PTPRT: variants seen among roughly 807,000 people sequenced by gnomAD.
The protein encoded by PTPRT is receptor-type tyrosine-protein phosphatase T.
PTPRT carries 56 observed loss-of-function variants against 176.8 expected under a neutral mutation model. The ratio of observed to expected loss-of-function variants is 0.32; its 90% CI spans 0.26 to 0.40. The LOEUF (loss-of-function observed/expected upper bound fraction) is 0.40, where lower values mean the gene tolerates loss of function less well. Ranked by LOEUF, PTPRT falls within the 10% of genes least tolerant of loss-of-function variation. PTPRT has a pLI of 1.00. For missense variants in PTPRT, 1,540 were observed against 1,908.2 expected, an observed-to-expected ratio of 0.81 and a Z score of 3.60; for synonymous variants, 783 against 739.0, an observed-to-expected ratio of 1.06 and a Z score of -0.96.
At chr20:42,208,511 C>T (rs200965417) in intron 15 of PTPRT, among the ~76,000 whole-genome samples, 2 of 151,666 alleles carry the variant, frequency 1.3e-5, no homozygotes, top group South Asian at 2.1e-4. Flanking sequence ...CTGATAAAAC[C>T]GACTTTAAAC....
At chr20:42,610,478 C>T (rs1164250394) in intron 7 of PTPRT, among the ~76,000 whole-genome samples, 1 of 151,724 alleles carries the variant, frequency 6.6e-6, no homozygotes, top group Non-Finnish European at 1.5e-5. Flanking sequence ...TCTTGGCCTC[C>T]CAAAGGGCTG....
At chr20:42,961,435 T>C (rs1038084124) in intron 1 of PTPRT, among the ~76,000 whole-genome samples, 2 of 152,190 alleles carry the variant, frequency 1.3e-5, no homozygotes, top group Admixed American at 6.5e-5. Flanking sequence ...ATAAGGAAAA[T>C]AGGAAGTAAG....
intron 18 of PTPRT, among the ~76,000 whole-genome samples, chr20:42,135,234 C>A (rs1305608820): frequency 2.0e-5 from 3 of 152,242 alleles, no homozygotes; most frequent in Admixed American, 6.5e-5. Flanking sequence ...TCTGTTTACC[C>A]AGCTATAACA....
intron 19 of PTPRT, among the ~76,000 whole-genome samples, chr20:42,122,655 A>G (rs1165141570): frequency 5.3e-5 from 8 of 152,280 alleles, no homozygotes; most frequent in African/African-American, 1.7e-4. Context: ...AGGCCACAGC[A>G]CCAACCACTA....
intron 7 of PTPRT, among the ~76,000 whole-genome samples, chr20:42,651,372 C>G (rs1371690728): frequency 1.3e-5 from 2 of 152,180 alleles, no homozygotes; most frequent in South Asian, 2.1e-4. Flanking sequence ...TGTTTAACTT[C>G]TACTTACCAA....
intron 6 of PTPRT, among the ~76,000 whole-genome samples, chr20:42,749,475 G>T (rs1246175732): frequency 6.6e-6 from 1 of 152,198 alleles, no homozygotes; most frequent in Non-Finnish European, 1.5e-5. Context: ...ACTGGATTTT[G>T]CAAGAAATGT....
At chr20:42,924,144 C>T (rs1444678384) in intron 1 of PTPRT, among the ~76,000 whole-genome samples, 2 of 152,178 alleles carry the variant, frequency 1.3e-5, no homozygotes, top group Non-Finnish European at 2.9e-5. Context: ...CATTTGCTAC[C>T]ATGTCCGGCC....
intron 1 of PTPRT, among the ~76,000 whole-genome samples, chr20:43,091,833 T>C (rs1320246123): frequency 6.6e-6 from 1 of 152,126 alleles, no homozygotes; most frequent in African/African-American, 2.4e-5. Context: ...CGGTGAGATA[T>C]TCATGATTCG....
chr20:42,632,453 G>A (rs2074431356), intron 7 of PTPRT, among the ~76,000 whole-genome samples: 1 of 151,922 alleles, frequency 6.6e-6, no homozygotes, highest in Non-Finnish European at 1.5e-5. Context: ...TCGAACTCCT[G>A]ACTTTGTGAT....
intron 6 of PTPRT, among the ~76,000 whole-genome samples, chr20:42,699,228 A>G (rs2075935109): frequency 1.3e-5 from 2 of 152,120 alleles, no homozygotes. Flanking sequence ...ATTTACACTG[A>G]TCACATCTGA....
intron 1 of PTPRT, among the ~76,000 whole-genome samples, chr20:43,054,213 G>A (rs934721125): frequency 9.2e-5 from 14 of 152,130 alleles, no homozygotes; most frequent in Non-Finnish European, 1.5e-4. Flanking sequence ...GTTAATAGAA[G>A]CATCAAAATG....
intron 7 of PTPRT, among the ~76,000 whole-genome samples, chr20:42,539,046 G>A (rs2072529048): frequency 6.6e-6 from 1 of 152,110 alleles, no homozygotes; most frequent in Admixed American, 6.5e-5. Context: ...GGACCACCGT[G>A]TGTACACCTA....
intron 16 of PTPRT, among the ~76,000 whole-genome samples, chr20:42,180,968 C>T (rs1238143516): frequency 5.9e-5 from 9 of 152,188 alleles, no homozygotes; most frequent in Admixed American, 5.9e-4. Flanking sequence ...GAACCTCAAT[C>T]TCCACATGTG....
intron 2 of PTPRT, among the ~76,000 whole-genome samples, chr20:42,827,444 T>C (rs1270525598): frequency 1.3e-5 from 2 of 152,146 alleles, no homozygotes; most frequent in Non-Finnish European, 2.9e-5. Flanking sequence ...AATATGCCCC[T>C]GAATAAGTTT....
chr20:43,106,044 G>C (rs531747357), intron 1 of PTPRT, among the ~76,000 whole-genome samples: 62 of 152,232 alleles, frequency 4.1e-4, no homozygotes, highest in Non-Finnish European at 8.7e-4. Flanking sequence ...GCCCCAGACA[G>C]ACTGTGCCTG....
At chr20:42,900,424 A>G (rs1393672955) in intron 1 of PTPRT, among the ~76,000 whole-genome samples, 1 of 152,176 alleles carries the variant, frequency 6.6e-6, no homozygotes, top group African/African-American at 2.4e-5. Flanking sequence ...TGTCCCCGGT[A>G]TGAATGCCCA....
chr20:42,359,981 G>A (rs764077058), intron 9 of PTPRT, among the ~76,000 whole-genome samples: 3 of 152,236 alleles, frequency 2.0e-5, no homozygotes, highest in Non-Finnish European at 4.4e-5. Flanking sequence ...GGCTTTTGCT[G>A]ATTTCCAATC....
At chr20:42,466,465 T>C (rs1263320751) in intron 8 of PTPRT, among the ~76,000 whole-genome samples, 2 of 152,184 alleles carry the variant, frequency 1.3e-5, no homozygotes, top group African/African-American at 4.8e-5. Context: ...TCTCACTGCA[T>C]ACCCTCAGTG....
intron 7 of PTPRT, among the ~76,000 whole-genome samples, chr20:42,529,668 A>G (rs748258129): frequency 1.3e-5 from 2 of 151,836 alleles, no homozygotes; most frequent in African/African-American, 4.8e-5. Flanking sequence ...TCGTATTTTT[A>G]GTAGAGATGA....
Sources: allele counts gnomAD v4.1 joint callset (sites outside exome capture counted in the v4.1 genomes callset), GRCh38; gene constraint gnomAD v4.1.1; transcripts MANE v1.5; gene names NCBI Gene and HGNC (gene_info 2026-07-23, HGNC 2026-07-21).